Variants in SRRT observed in about 807,000 individuals in gnomAD.
The protein encoded by SRRT is serrate, RNA effector molecule, also known as serrate RNA effector molecule homolog.
Under a neutral mutation model 103.2 loss-of-function variants are expected in SRRT, and 32 were observed. The observed-to-expected ratio is 0.31, with a 90% CI of 0.23 to 0.42. The LOEUF is 0.42. SRRT is among the 10% of genes least tolerant of loss of function. The probability of loss-of-function intolerance (pLI) is 1.00; values close to 1 mark genes in which losing one functional copy is unlikely to be tolerated. For missense variants in SRRT, 986 were observed against 1,207.5 expected (o/e 0.82, Z 2.72); for synonymous variants, 525 against 449.0 (o/e 1.17, Z -2.14).
intron 2 of SRRT, 116 bp from the exon 3 acceptor site, chr7:100,881,169 T>G (rs917100152): frequency 1.8e-6 from 2 of 1,106,452 alleles, no homozygotes; most frequent in Non-Finnish European, 2.6e-6. Flanking sequence ...ATTGCCCAGG[T>G]TGGTCTCGAA....
intron 2 of SRRT, 31 bp from the exon 3 acceptor site, chr7:100,881,253 CT>C: frequency 6.3e-7 from 1 of 1,598,216 alleles, no homozygotes. Flanking sequence ...TGTGCCTGGC[CT>C]TTAATCTTTG....
chr7:100,882,990 G>A lies in SRRT; in HGVS notation c.587+749G>A, dbSNP rs879678428. On this transcript the variant is annotated intron_variant, in intron 5 of 19. Transcript: ENST00000611405. The surrounding 1 kb of genome is among the most constrained non-coding windows in gnomAD (Gnocchi z 4.2). ...CTGCGGAGTCCCGCGTGGGCATCTC[G>A]GCCGGGCGCCCAGCCAGGAGCCAGC... 2 of 152,338 alleles carry A rather than the reference G, an allele frequency of 1.3e-5. No homozygotes were observed. Among genetic ancestry groups the A allele is most frequent in the Non-Finnish European group, 2.9e-5 (2 of 68,116 alleles). 9.4% of individuals were successfully genotyped at this position (152,338 alleles called of 1,614,324 possible).
intron 2 of SRRT, among the ~76,000 whole-genome samples, chr7:100,876,859 G>T (rs1239717975): frequency 6.6e-6 from 1 of 152,166 alleles, no homozygotes; most frequent in African/African-American, 2.4e-5. Flanking sequence ...CACTTGGCTA[G>T]ACTTGGAAAG....
intron 2 of SRRT, among the ~76,000 whole-genome samples, chr7:100,877,558 G>A (rs551749247): frequency 1.3e-3 from 203 of 151,124 alleles, no homozygotes; most frequent in African/African-American, 4.6e-3. Context: ...ATCTTGCTCT[G>A]TCACCCAGGC....
chr7:100,887,654 G>A lies in SRRT; in HGVS notation c.2170-49G>A, dbSNP rs1385818685. The A allele has an allele frequency of 5.0e-6, 8 of 1,586,160 alleles. No homozygotes were observed. The highest frequency in any genetic ancestry group is 4.5e-5 in the East Asian group (2 of 44,404). ...ATCCTTCCAGCTCGGGCCTGGGAGC[G>A]AGGCAACCCTTATGTGGCTGTCCTG... On this transcript the variant is annotated intron_variant, in intron 16 of 19. Coordinates refer to ENST00000611405, the MANE Select transcript of SRRT (RefSeq NM_015908.6). The surrounding 1 kb of genome is among the most constrained non-coding windows in gnomAD (Gnocchi z 4.1).
At chr7:100,876,617 C>A (rs903335931) in intron 2 of SRRT, among the ~76,000 whole-genome samples, 1 of 152,132 alleles carries the variant, frequency 6.6e-6, no homozygotes, top group African/African-American at 2.4e-5. Context: ...ACTGTTTTGC[C>A]TAAAATCTCA....
At position 100,881,316 on chromosome 7, in the gene SRRT, C is replaced by T. The variant is rs1359056291; in HGVS notation, c.154C>T (p.Arg52Trp). 4 of 1,613,388 alleles carry T rather than the reference C, an allele frequency of 2.5e-6. No homozygotes were observed. The highest frequency in any genetic ancestry group is 1.1e-5 in the South Asian group (1 of 91,074). The change falls in exon 3 of 20, where the codon CGG becomes TGG. Residue 52 changes from arginine (R) to tryptophan (W), a missense_variant. Around this residue, in one of 6 missense-constraint regions of SRRT, gnomAD observed 274 missense variants for 358.5 expected, o/e 0.76. Coordinates refer to ENST00000611405, the MANE Select transcript of SRRT (RefSeq NM_015908.6). ...GGACCGTGGCCGTGAGCGCCGTAGT[C>T]GGGGTGAATATCGGGACTATGACCG... The part of the protein sequence containing the change: ...EWDRGRERRS[R>W]GEYRDYDRNR...
At position 100,886,764 on chromosome 7, in the gene SRRT, C is replaced by T. The variant is rs199975520; in HGVS notation, c.1648-31C>T. ...AGGTTACCTCCTCTGAAGGTCTTCT[C>T]TGCCTTACTTGCTTCTCTTCCTCCC... is the stretch of plus-strand genomic sequence containing the variant. On this transcript the variant is annotated intron_variant, in intron 13 of 19. Coordinates refer to ENST00000611405, the MANE Select transcript of SRRT (RefSeq NM_015908.6). 1,580 of 1,612,728 alleles carry T rather than the reference C, an allele frequency of 9.8e-4. 13 individuals are homozygous for T. In the South Asian group the frequency reaches 0.012, roughly 12 times the overall value.
chr7:100,884,466 AAAG>A lies in SRRT; in HGVS notation c.863_865del (p.Glu288del), dbSNP rs749020577. 2.5e-5 allele frequency: 41 copies of A among 1,613,808 alleles called. 1 individual carries two copies. Among genetic ancestry groups the A allele is most frequent in the South Asian group, 1.9e-4 (17 of 91,082 alleles). ...AGGAAAGCCTGGGGAGCCCAGCAAG[AAAG>A]AAGAAGGACGGGCTGGAGCAGGCCT... On this transcript the variant is annotated inframe_deletion, in exon 7 of 20. Coordinates refer to ENST00000611405, the MANE Select transcript of SRRT (RefSeq NM_015908.6).
rs772758119 is a variant in SRRT, at chr7:100,888,605, G to A, written c.*56G>A. Reference sequence around the variant, plus strand: ...CCATACTTGTACTACCTTGTCCTATGAAGCTCTGAGAATTTTTTGTACGAT... The same window carrying A: ...CCATACTTGTACTACCTTGTCCTATAAAGCTCTGAGAATTTTTTGTACGAT... On this transcript the variant is annotated 3_prime_UTR_variant, in exon 20 of 20. Transcript: ENST00000611405. The A allele has an allele frequency of 1.2e-6, 2 of 1,607,154 alleles. No individual in the cohort carries two copies.
intron 2 of SRRT, among the ~76,000 whole-genome samples, chr7:100,879,280 G>T (rs537697314): frequency 1.1e-4 from 17 of 152,252 alleles, no homozygotes; most frequent in African/African-American, 4.1e-4. Context: ...TGTATTTTTA[G>T]TAGAAAGGTG....
intron 5 of SRRT, among the ~76,000 whole-genome samples, chr7:100,883,557 G>C (rs372341146): frequency 4.0e-4 from 61 of 152,240 alleles, no homozygotes; most frequent in African/African-American, 1.5e-3. Context: ...ATCTTCCCAC[G>C]GGTGGAGAAA....
chr7:100,886,912 C>T lies in SRRT; in HGVS notation c.1765C>T (p.Pro589Ser). ...CGGGGGCGCTCCTCCTGAGGAGCCT[C>T]CTAAGGAAGGGAACCCGGCAGAGAT... is the stretch of plus-strand genomic sequence containing the variant. The part of the protein sequence containing the change: ...SSGGAPPEEP[P>S]KEGNPAEINV... The change falls in exon 14 of 20, where the codon CCT becomes TCT. Residue 589 changes from proline (P) to serine (S), a missense_variant. Transcript: ENST00000611405. 5 of 1,613,532 alleles carry T rather than the reference C, an allele frequency of 3.1e-6. No homozygotes were observed. The highest frequency in any genetic ancestry group is 4.2e-6 in the Non-Finnish European group (5 of 1,179,832).
chr7:100,876,799 G>A (rs2115702849), intron 2 of SRRT, among the ~76,000 whole-genome samples: 1 of 152,284 alleles, frequency 6.6e-6, no homozygotes, highest in East Asian at 1.9e-4. Flanking sequence ...GATCTCTAAA[G>A]GAGGGGAGCG....
chr7:100,886,262 C>A lies in SRRT; in HGVS notation c.1474C>A (p.Leu492Met). ...LQNIRLRECE[L>M]SPGVNRDLTR... ...TGCCCTCCAGCTCCGGGAGTGTGAG[C>A]TGAGCCCTGGTGTGAACAGGGACCT... Residue 492 changes from leucine (L) to methionine (M), a missense_variant, in exon 13 of 20, where the codon CTG becomes ATG. This residue lies in a region of SRRT where 349 missense variants were observed against 446.9 expected (regional missense o/e 0.78). Transcript: ENST00000611405. 2 of 1,611,934 alleles carry A rather than the reference C, an allele frequency of 1.2e-6. 1 individual carries two copies. The highest frequency in any genetic ancestry group is 2.2e-5 in the South Asian group (2 of 90,954).
chr7:100,888,090 CCCAGGG>C lies in SRRT; in HGVS notation c.2378_2383del (p.Gln793_Gly794del). On this transcript the variant is annotated inframe_deletion, in exon 18 of 20. Coordinates refer to ENST00000611405, the MANE Select transcript of SRRT (RefSeq NM_015908.6). ...GGACTCCCCTACCCACACCAGACTC[CCCAGGG>C]CCTGATGCCCTATGGTCAGCCCCGG... 1 of 1,608,858 alleles carries C rather than the reference CCCAGGG, an allele frequency of 6.2e-7. No individual in the cohort carries two copies. The highest frequency in any genetic ancestry group is 8.5e-7 in the Non-Finnish European group (1 of 1,177,188).
At chr7:100,886,680 G>A in intron 13 of SRRT, 115 bp from the exon 14 acceptor site, 1 of 1,228,904 alleles carries the variant, frequency 8.1e-7, no homozygotes, top group South Asian at 1.3e-5. Flanking sequence ...GGCAAAAGGT[G>A]CCATTTATGT....
intron 12 of SRRT, 141 bp downstream of exon 12, chr7:100,886,082 C>G: frequency 7.8e-7 from 1 of 1,289,710 alleles, no homozygotes; most frequent in Non-Finnish European, 1.1e-6. Flanking sequence ...TGTCTCTGGG[C>G]AAGGCTCTAG....
intron 2 of SRRT, among the ~76,000 whole-genome samples, chr7:100,880,363 C>T (rs1046328997): frequency 4.6e-5 from 7 of 152,152 alleles, no homozygotes; most frequent in Admixed American, 2.0e-4. Flanking sequence ...CTTGCAGTGG[C>T]GCGATCTCGG....
Sources: allele counts gnomAD v4.1 joint callset (sites outside exome capture counted in the v4.1 genomes callset), GRCh38; gene constraint gnomAD v4.1.1; regional missense constraint gnomAD v4.1.1; non-coding constraint Gnocchi (gnomAD v3.1); transcripts MANE v1.5; gene names NCBI Gene and HGNC (gene_info 2026-07-23, HGNC 2026-07-21).